TIAM2: variants seen among roughly 807,000 people sequenced by gnomAD.
TIAM2 encodes the protein TIAM Rac1 associated GEF 2.
Under a neutral mutation model 152.9 loss-of-function variants are expected in TIAM2, and 80 were observed. That is an observed-to-expected ratio of 0.52 (90% confidence interval 0.44 to 0.63). The LOEUF (loss-of-function observed/expected upper bound fraction) is 0.63, where lower values mean the gene tolerates loss of function less well. Among genes scored for constraint, TIAM2 ranks in the 30% least tolerant of loss-of-function variants. TIAM2 has a pLI of 0.00. For synonymous variants in TIAM2, 804 were observed against 838.0 expected (o/e 0.96, Z 0.70); for missense variants, 1,965 against 2,120.1 (o/e 0.93, Z 1.44).
At chr6:155,111,781 A>C (rs1002435118) in intron 2 of TIAM2, among the ~76,000 whole-genome samples, 1 of 152,120 alleles carries the variant, frequency 6.6e-6, no homozygotes, top group African/African-American at 2.4e-5. Flanking sequence ...GAAGATACAC[A>C]CATAGACAAT....
chr6:155,054,161 G>A (rs1359917808), intron 1 of TIAM2, among the ~76,000 whole-genome samples: 5 of 151,918 alleles, frequency 3.3e-5, no homozygotes, highest in African/African-American at 7.3e-5. Flanking sequence ...GTGACAGAGC[G>A]AGACTGCATC....
At chr6:155,056,710 C>T (rs1449493985) in intron 1 of TIAM2, among the ~76,000 whole-genome samples, 1 of 152,120 alleles carries the variant, frequency 6.6e-6, no homozygotes, top group East Asian at 1.9e-4. Flanking sequence ...CTGTATGATC[C>T]ATATCCAGCT....
chr6:155,035,013 T>C (rs1489484377), intron 1 of TIAM2, among the ~76,000 whole-genome samples: 1 of 152,124 alleles, frequency 6.6e-6, no homozygotes, highest in African/African-American at 2.4e-5. Flanking sequence ...CTAAGGAAAT[T>C]TAAAATTGTA....
At position 155,246,228 on chromosome 6, in the gene TIAM2, G is replaced by A. The variant is rs57290828; in HGVS notation, c.3652+497G>A. Among the ~76,000 whole-genome samples the A allele has an allele frequency of 1.3e-3, 193 of 152,232 alleles. No homozygotes were observed. The Middle Eastern group carries it at 0.021, about 16-fold the overall frequency. On this transcript the variant is annotated intron_variant, in intron 19 of 26. Transcript: ENST00000682666. ...GTTGCTCTTCGGTGTTTCTCTCTGC[G>A]TGGGCCTGGAGGGCATCTGGAGGTT...
chr6:155,007,834 G>A (rs977633842), intron 1 of TIAM2, among the ~76,000 whole-genome samples: 15 of 152,166 alleles, frequency 9.9e-5, no homozygotes, highest in Non-Finnish European at 1.0e-4. Flanking sequence ...AATTGAGCCC[G>A]TCGGATGGTT....
intron 1 of TIAM2, among the ~76,000 whole-genome samples, chr6:155,000,404 G>A (rs1323782851): frequency 2.6e-5 from 4 of 152,068 alleles, no homozygotes; most frequent in South Asian, 4.2e-4. Context: ...GGTGGCACAT[G>A]CCTGTAATCC....
intron 1 of TIAM2, among the ~76,000 whole-genome samples, chr6:155,027,491 C>T (rs1465196779): frequency 1.1e-5 from 1 of 94,712 alleles, no homozygotes; most frequent in Non-Finnish European, 2.0e-5. Context: ...TACTGTGTTA[C>T]ATATATACTA....
chr6:155,066,263 A>G (rs1777692465), intron 1 of TIAM2, among the ~76,000 whole-genome samples: 1 of 116,520 alleles, frequency 8.6e-6, no homozygotes, highest in Non-Finnish European at 1.9e-5. Context: ...TTCCATCTCC[A>G]CTTTCAGCCT....
chr6:155,152,442 C>T (rs749359375), intron 7 of TIAM2, among the ~76,000 whole-genome samples: 1 of 152,158 alleles, frequency 6.6e-6, no homozygotes, highest in Non-Finnish European at 1.5e-5. Context: ...GCAGTGCAGC[C>T]GTACCTCCCC....
At chr6:155,198,219 T>G (rs17086043) in intron 14 of TIAM2, among the ~76,000 whole-genome samples, 2,523 of 152,334 alleles carry the variant, frequency 0.017, 107 homozygotes, top group East Asian at 0.16. Flanking sequence ...ACTGTGTGCC[T>G]GTCCTAATTA....
At chr6:155,116,967 A>G (rs1156584055) in intron 2 of TIAM2, among the ~76,000 whole-genome samples, 1 of 151,858 alleles carries the variant, frequency 6.6e-6, no homozygotes, top group East Asian at 1.9e-4. Context: ...AAGTTTATAG[A>G]GGCCAGGATG....
At chr6:155,134,878 C>T (rs1475101885) in intron 4 of TIAM2, among the ~76,000 whole-genome samples, 1 of 151,880 alleles carries the variant, frequency 6.6e-6, no homozygotes, top group African/African-American at 2.4e-5. Context: ...GCTAATTTTT[C>T]GTATTTTTTG....
In TIAM2 at chr6:155,021,544, G is replaced by A. The variant is rs139605823; in HGVS notation, c.-209+26052G>A. Among the ~76,000 whole-genome samples the A allele has an allele frequency of 6.3e-3, 954 of 152,160 alleles. 3 individuals are homozygous for A. The highest frequency in any genetic ancestry group is 0.01 in the Non-Finnish European group (686 of 68,022). ...CCTACAGTGCTGGGATTACAGGCACGAGCCACCGCGCCCAGCCAGAATTCT... is the reference window on the plus strand; with the variant it reads ...CCTACAGTGCTGGGATTACAGGCACAAGCCACCGCGCCCAGCCAGAATTCT... On this transcript the variant is annotated intron_variant, in intron 1 of 26. Coordinates refer to ENST00000682666, the MANE Select transcript of TIAM2 (RefSeq NM_012454.4).
At chr6:155,239,439 A>G (rs752540086) in intron 15 of TIAM2, among the ~76,000 whole-genome samples, 12 of 152,172 alleles carry the variant, frequency 7.9e-5, no homozygotes, top group Non-Finnish European at 1.2e-4. Flanking sequence ...GAGGTGGTGA[A>G]GTGGGGTGGA....
rs577592708 is a variant in TIAM2, at chr6:154,996,581, G to T, written c.-209+1089G>T. ...GCTATCTCCAGTTCTCTTTCCAATA[G>T]ATTTAAGCCAGAGTGTCTCTAAAAT... On this transcript the variant is annotated intron_variant, in intron 1 of 26. Coordinates refer to ENST00000682666, the MANE Select transcript of TIAM2 (RefSeq NM_012454.4). Among the ~76,000 whole-genome samples the T allele has an allele frequency of 5.9e-5, 9 of 152,296 alleles. No homozygotes were observed. The South Asian group carries it at 1.7e-3, about 28-fold the overall frequency.
intron 17 of TIAM2, 137 bp downstream of exon 17, chr6:155,244,216 G>C (rs1192273897): frequency 2.4e-6 from 2 of 826,652 alleles, no homozygotes; most frequent in East Asian, 5.1e-5. Flanking sequence ...GAGAGTCCCA[G>C]GCATAGCCTC....
intron 1 of TIAM2, among the ~76,000 whole-genome samples, chr6:155,070,773 C>T (rs1005559813): frequency 6.6e-6 from 1 of 152,066 alleles, no homozygotes; most frequent in Admixed American, 6.6e-5. Flanking sequence ...GATGGTGATA[C>T]CCTGAGGTGG....
chr6:155,234,559 T>C (rs1359207236), intron 15 of TIAM2, among the ~76,000 whole-genome samples: 1 of 152,212 alleles, frequency 6.6e-6, no homozygotes, highest in African/African-American at 2.4e-5. Flanking sequence ...TGTGCCACCA[T>C]GGCCGGCTAA....
chr6:155,029,476 G>T (rs1294619442), intron 1 of TIAM2, among the ~76,000 whole-genome samples: 4,060 of 7,274 alleles, frequency 0.56, 838 homozygotes, highest in African/African-American at 0.58. Flanking sequence ...ATATACTATA[G>T]TATATATACT....
Sources: allele counts gnomAD v4.1 joint callset (sites outside exome capture counted in the v4.1 genomes callset), GRCh38; gene constraint gnomAD v4.1.1; transcripts MANE v1.5; gene names NCBI Gene and HGNC (gene_info 2026-07-23, HGNC 2026-07-21).